The following TNFSF11 variants were observed in gnomAD, a reference collection of about 807,000 sequenced individuals.
TNFSF11 encodes tumor necrosis factor ligand superfamily member 11.
A neutral mutation model predicts 32.2 loss-of-function variants in TNFSF11; 12 were observed. That is an observed-to-expected ratio of 0.37 (90% CI 0.24 to 0.60). The LOEUF (loss-of-function observed/expected upper bound fraction) is 0.60. Ranked by LOEUF, TNFSF11 falls within the 20% of genes least tolerant of loss-of-function variation. TNFSF11 has a pLI of 0.66. For missense variants in TNFSF11, 345 were observed against 398.0 expected (o/e 0.87, Z 1.13); for synonymous variants, 172 against 152.1 (o/e 1.13, Z -0.96).
At chr13:42,592,952 T>G (rs969793336) in intron 2 of TNFSF11, among the ~76,000 whole-genome samples, 1 of 152,154 alleles carries the variant, frequency 6.6e-6, no homozygotes, top group Non-Finnish European at 1.5e-5. Context: ...TCCCCAGCCA[T>G]GCGGAACCGT....
intron 1 of TNFSF11, among the ~76,000 whole-genome samples, chr13:42,579,236 A>G (rs185789398): frequency 5.3e-5 from 8 of 152,060 alleles, no homozygotes; most frequent in Non-Finnish European, 7.4e-5. Context: ...CTACCAAGAA[A>G]AAAAAAGGAA....
chr13:42,578,219 C>T (rs907123174), intron 1 of TNFSF11, among the ~76,000 whole-genome samples: 2 of 152,228 alleles, frequency 1.3e-5, no homozygotes, highest in African/African-American at 4.8e-5. Context: ...ATCATGCAAT[C>T]CTCCAACCAG....
At chr13:42,593,776 G>T (rs1868632631) in intron 2 of TNFSF11, among the ~76,000 whole-genome samples, 1 of 152,210 alleles carries the variant, frequency 6.6e-6, no homozygotes, top group South Asian at 2.1e-4. Flanking sequence ...GGCAAACGGG[G>T]TGTTAAATCC....
chr13:42,597,324 C>T (rs1183190987), intron 2 of TNFSF11, among the ~76,000 whole-genome samples: 7 of 138,468 alleles, frequency 5.1e-5, no homozygotes, highest in Non-Finnish European at 7.6e-5. Flanking sequence ...CATCCTGGGT[C>T]ATGAAGCCTT....
chr13:42,598,798 A>G (rs1169782827), intron 2 of TNFSF11, among the ~76,000 whole-genome samples: 1 of 152,204 alleles, frequency 6.6e-6, no homozygotes, highest in African/African-American at 2.4e-5. Context: ...GAAAATAAAA[A>G]CCTGCAGAAA....
At chr13:42,571,414 G>A (rs1213792831), upstream of TNFSF11, among the ~76,000 whole-genome samples, 1 of 151,920 alleles carries the variant, frequency 6.6e-6, no homozygotes, top group Non-Finnish European at 1.5e-5. Context: ...TGTCTCCCAG[G>A]CTGGAGTGCA....
rs773201489 is a variant in TNFSF11, at chr13:42,599,341, C to CTAT, written c.388-1410_388-1408dup. Reference sequence around the variant, plus strand: ...TCTATCTATCTATCTATCTATCTATCTATCTATCATCTATCTATCTATCTA... The same window carrying CTAT: ...TCTATCTATCTATCTATCTATCTATCTATTATCTATCATCTATCTATCTATCTA... On this transcript the variant is annotated intron_variant, in intron 2 of 4. Transcript: ENST00000398795. Among the ~76,000 whole-genome samples the CTAT allele has an allele frequency of 5.4e-4, 50 of 92,328 alleles. 1 individual carries two copies. Among genetic ancestry groups the CTAT allele is most frequent in the African/African-American group, 1.7e-3 (37 of 21,856 alleles). 60.6% of individuals were successfully genotyped at this position (92,328 alleles called of 152,430 possible).
At chr13:42,592,552 C>G (rs1219610581) in intron 2 of TNFSF11, among the ~76,000 whole-genome samples, 1 of 152,232 alleles carries the variant, frequency 6.6e-6, no homozygotes, top group Non-Finnish European at 1.5e-5. Flanking sequence ...AGTGGTTACC[C>G]TGGCTCAAGC....
intron 1 of TNFSF11, among the ~76,000 whole-genome samples, chr13:42,564,394 C>T (rs921558722): frequency 6.6e-6 from 1 of 152,088 alleles, no homozygotes; most frequent in African/African-American, 2.4e-5. Flanking sequence ...ACGGAGAAAC[C>T]TCGTCTCTAC....
At chr13:42,573,123 A>G (rs1428021420), upstream of TNFSF11, among the ~76,000 whole-genome samples, 1 of 152,142 alleles carries the variant, frequency 6.6e-6, no homozygotes, top group African/African-American at 2.4e-5. Flanking sequence ...TGATCACAAG[A>G]AAAAAAGTCT....
At chr13:42,603,467 G>A (rs1281573213) in intron 4 of TNFSF11, among the ~76,000 whole-genome samples, 1 of 152,144 alleles carries the variant, frequency 6.6e-6, no homozygotes, top group East Asian at 1.9e-4. Context: ...TTTTTCTCAT[G>A]TTTTTACCTG....
At chr13:42,584,332 T>C (rs147618164) in intron 2 of TNFSF11, among the ~76,000 whole-genome samples, 9 of 152,334 alleles carry the variant, frequency 5.9e-5, no homozygotes, top group Non-Finnish European at 7.3e-5. Context: ...AAGCATATTG[T>C]TCATCCTTTT....
chr13:42,581,938 G>T (rs1286833393), intron 2 of TNFSF11, among the ~76,000 whole-genome samples: 1 of 152,192 alleles, frequency 6.6e-6, no homozygotes, highest in African/African-American at 2.4e-5. Flanking sequence ...ATAACTGCCA[G>T]TTTTACTTTC....
Position 42,606,479 on chromosome 13 carries a change from T to A in TNFSF11, c.533-18T>A. On this transcript the variant is annotated intron_variant, in intron 4 of 4. Coordinates refer to ENST00000398795, the MANE Select transcript of TNFSF11 (RefSeq NM_003701.4). The stretch of plus-strand genomic sequence containing the variant: ...TTTAAGGACTGACTTTCAAATCTTA[T>A]GCCTCTCTTCTCCACAGGTTCCCAT... 6.2e-7 allele frequency: 1 copy of A among 1,614,236 alleles called. No individual in the cohort carries two copies. Among genetic ancestry groups the A allele is most frequent in the Non-Finnish European group, 8.5e-7 (1 of 1,180,040 alleles).
chr13:42,589,588 C>T (rs934586860), intron 2 of TNFSF11, among the ~76,000 whole-genome samples: 3 of 152,202 alleles, frequency 2.0e-5, no homozygotes, highest in Non-Finnish European at 2.9e-5. Flanking sequence ...CCAGCCCCTG[C>T]CTCTTCAGGC....
At chr13:42,570,946 G>A (rs1490818089), upstream of TNFSF11, among the ~76,000 whole-genome samples, 1 of 152,008 alleles carries the variant, frequency 6.6e-6, no homozygotes, top group African/African-American at 2.4e-5. Context: ...TGCCTTCAAA[G>A]TACTAATCAC....
chr13:42,574,203 C>T lies in TNFSF11; in HGVS notation c.-101C>T. 6.8e-7 allele frequency: 1 copy of T among 1,478,868 alleles called. No individual in the cohort carries two copies. Among genetic ancestry groups the T allele is most frequent in the South Asian group, 1.2e-5 (1 of 81,888 alleles). 91.6% of individuals were successfully genotyped at this position (1,478,868 alleles called of 1,614,324 possible). On this transcript the variant is annotated 5_prime_UTR_variant, in exon 1 of 5. Coordinates refer to ENST00000398795, the MANE Select transcript of TNFSF11 (RefSeq NM_003701.4). ...CCAAAGCCGGGCTCCAAGTCGGCGC[C>T]CCACGTCGAGGCTCCGCCGCAGCCT...
At chr13:42,601,686 G>GC (rs372671359) in intron 4 of TNFSF11, among the ~76,000 whole-genome samples, 169 of 152,242 alleles carry the variant, frequency 1.1e-3, no homozygotes, top group African/African-American at 4.0e-3. Context: ...TTATCATCAT[G>GC]CCACTAATGG....
intron 4 of TNFSF11, among the ~76,000 whole-genome samples, chr13:42,605,678 A>G (rs910242921): frequency 1.3e-4 from 20 of 152,208 alleles, no homozygotes; most frequent in Admixed American, 7.9e-4. Context: ...AATTCTGGTC[A>G]GTCAGGAGAA....
Sources: gnomAD v4.1 joint callset for allele counts (sites outside exome capture counted in the v4.1 genomes callset) on GRCh38, gnomAD v4.1.1 for gene constraint, MANE v1.5 for transcripts, NCBI Gene and HGNC (gene_info 2026-07-23, HGNC 2026-07-21) for gene names.